PIEZO1: variants seen among roughly 807,000 people sequenced by gnomAD.
The protein encoded by PIEZO1 is piezo-type mechanosensitive ion channel component 1.
A neutral mutation model predicts 297.2 loss-of-function variants in PIEZO1; 296 were observed. That is an observed-to-expected ratio of 1.00 (90% CI 0.91 to 1.10). The LOEUF (loss-of-function observed/expected upper bound fraction) is 1.10. Ranked by LOEUF, PIEZO1 falls within the 50% of genes least tolerant of loss-of-function variation. The probability of loss-of-function intolerance (pLI) is 0.00; values close to 1 mark genes in which losing one functional copy is unlikely to be tolerated. For missense variants in PIEZO1, 5,018 were observed against 3,455.5 expected (o/e 1.45, Z -11.34); for synonymous variants, 2,427 against 1,507.5 (o/e 1.61, Z -14.13).
chr16:88,717,624 G>T (rs903038721), intron 44 of PIEZO1: 7 of 460,390 alleles, frequency 1.5e-5, no homozygotes, highest in Non-Finnish European at 3.0e-5. Flanking sequence ...ACCTGGATTT[G>T]GCGAAGGAAA....
rs1359947598 is a variant in PIEZO1, at chr16:88,736,228, G to A, written c.1477C>T (p.Pro493Ser). Residue 493 changes from proline to serine, a missense_variant, in exon 12 of 51, where the codon CCC becomes TCC. Transcript: ENST00000301015. ...AGGCTGACGGGGCCCAGGGTGGTGG[G>A]CAGCTCAGGGCGCAGGTCCATGGCC... ...VWAMDLRPELPTTLGPVSLRQ... is the reference protein window; with the variant it reads ...VWAMDLRPELSTTLGPVSLRQ... The A allele has an allele frequency of 6.5e-7, 1 of 1,549,948 alleles. No individual in the cohort carries two copies. Among genetic ancestry groups the A allele is most frequent in the Non-Finnish European group, 8.7e-7 (1 of 1,146,752 alleles).
intron 22 of PIEZO1, 106 bp from the exon 23 acceptor site, chr16:88,727,767 G>A (rs1197442419): frequency 9.5e-6 from 5 of 525,412 alleles, no homozygotes; most frequent in Non-Finnish European, 1.7e-5. Context: ...CAGGGTCCAT[G>A]GGAATCACCT....
At chr16:88,725,806 G>C (rs1473238485) in intron 27 of PIEZO1, 122 bp from the exon 28 acceptor site, 6 of 643,380 alleles carry the variant, frequency 9.3e-6, no homozygotes, top group South Asian at 9.3e-5. Context: ...CGCTGGACAA[G>C]AGGCACCCAC....
chr16:88,716,327 G>A (rs768834483), intron 48 of PIEZO1, 34 bp downstream of exon 48: 22 of 1,503,648 alleles, frequency 1.5e-5, no homozygotes, highest in African/African-American at 6.9e-5. Flanking sequence ...ACCTGGCACA[G>A]CCCTCCTGCC....
At chr16:88,725,184 G>C in intron 29 of PIEZO1, 104 bp from the exon 30 acceptor site, 1 of 828,692 alleles carries the variant, frequency 1.2e-6, no homozygotes, top group East Asian at 3.0e-5. Context: ...AGACAGACAC[G>C]GACACCCACA....
chr16:88,775,740 A>AAG (rs1555512956), intron 1 of PIEZO1, among the ~76,000 whole-genome samples: 61 of 151,666 alleles, frequency 4.0e-4, no homozygotes, highest in South Asian at 8.3e-4. Context: ...AAAAAAAAAA[A>AAG]AAAAGAAAAG....
intron 31 of PIEZO1, among the ~76,000 whole-genome samples, chr16:88,723,564 G>A (rs1016547675): frequency 1.3e-5 from 2 of 152,244 alleles, no homozygotes; most frequent in Admixed American, 6.5e-5. Context: ...CCCAAAGATG[G>A]ACCCAGGACA....
intron 1 of PIEZO1, among the ~76,000 whole-genome samples, chr16:88,773,724 T>G (rs1231979278): frequency 2.0e-5 from 3 of 151,072 alleles, no homozygotes; most frequent in Non-Finnish European, 4.4e-5. Flanking sequence ...AGCTGCCTAC[T>G]GGGTGACAGG....
chr16:88,746,551 G>C (rs1906068062), intron 2 of PIEZO1, among the ~76,000 whole-genome samples: 1 of 152,178 alleles, frequency 6.6e-6, no homozygotes, highest in Non-Finnish European at 1.5e-5. Context: ...GGGGACCAAG[G>C]CTCAGATGGC....
Position 88,750,774 on chromosome 16 carries a change from A to C in PIEZO1, c.65-1295T>G, listed in dbSNP as rs945014150. On this transcript the variant is annotated intron_variant, in intron 1 of 50. Transcript: ENST00000301015. ...GGGACCACTCAGCCTTTCCGGGGCT[A>C]CCAGGGAGGACACTGGGACTGGAAA... Among the ~76,000 whole-genome samples the C allele has an allele frequency of 2.0e-5, 3 of 152,312 alleles. No individual in the cohort carries two copies. The South Asian group carries it at 6.2e-4, about 32-fold the overall frequency.
chr16:88,765,813 A>G (rs143060961), intron 1 of PIEZO1, among the ~76,000 whole-genome samples: 8,208 of 151,934 alleles, frequency 0.054, 730 homozygotes, highest in African/African-American at 0.19. Flanking sequence ...AGCTGGGACT[A>G]CAGACACCTG....
intron 16 of PIEZO1, 24 bp downstream of exon 16, chr16:88,734,332 C>G: frequency 2.7e-6 from 4 of 1,490,882 alleles, no homozygotes; most frequent in Non-Finnish European, 3.6e-6. Context: ...TCTCCAGGGC[C>G]GGACAGGGAG....
At position 88,738,551 on chromosome 16, in the gene PIEZO1, C is replaced by T; in HGVS notation, c.634+17G>A. Reference sequence around the variant, plus strand: ...CCTCCCAGTGTGACTGCCAGTGCCCCCTGCCTCGGTGCGTACCTGCCAGTG... The same window carrying T: ...CCTCCCAGTGTGACTGCCAGTGCCCTCTGCCTCGGTGCGTACCTGCCAGTG... On this transcript the variant is annotated intron_variant, in intron 6 of 50. Transcript: ENST00000301015. 6.5e-7 allele frequency: 1 copy of T among 1,531,920 alleles called. No individual in the cohort carries two copies. Among genetic ancestry groups the T allele is most frequent in the East Asian group, 2.5e-5 (1 of 40,812 alleles). The allele number at this position is 1,531,920 out of a possible 1,614,324, so 94.9% of individuals were successfully genotyped here.
rs144994831 is a variant in PIEZO1, at chr16:88,721,993, G to A, written c.5029C>T (p.Arg1677Trp). 191 of 1,549,276 alleles carry A rather than the reference G, an allele frequency of 1.2e-4. No homozygotes were observed. Among genetic ancestry groups the A allele is most frequent in the East Asian group, 2.0e-4 (8 of 40,910 alleles). Residue 1677 changes from arginine (R) to tryptophan (W), a missense_variant, in exon 37 of 51, where the codon CGG becomes TGG. Transcript: ENST00000301015. Reference sequence around the variant, plus strand: ...GCGGCCACACACTGGTACACGGCCCGCAGCAGCCGCAGCGCCCGGCCCTGC... The same window carrying A: ...GCGGCCACACACTGGTACACGGCCCACAGCAGCCGCAGCGCCCGGCCCTGC... ...EGQGRALRLLRAVYQCVAAHS... is the reference protein window; with the variant it reads ...EGQGRALRLLWAVYQCVAAHS...
intron 1 of PIEZO1, among the ~76,000 whole-genome samples, chr16:88,782,737 A>G (rs887867709): frequency 1.3e-5 from 2 of 152,220 alleles, no homozygotes; most frequent in African/African-American, 4.8e-5. Context: ...AAAGACAGCA[A>G]AGCCAGTGTC....
At chr16:88,773,795 C>G (rs1221768591) in intron 1 of PIEZO1, among the ~76,000 whole-genome samples, 1 of 152,086 alleles carries the variant, frequency 6.6e-6, no homozygotes, top group Non-Finnish European at 1.5e-5. Context: ...CACCCTGCAC[C>G]CAGTGTCCTC....
At chr16:88,742,677 A>T (rs949951797) in intron 2 of PIEZO1, 12 of 486,534 alleles carry the variant, frequency 2.5e-5, no homozygotes, top group Non-Finnish European at 4.4e-5. Flanking sequence ...CACAGGCAGG[A>T]AAAGGCCTCC....
At chr16:88,717,945 T>G (rs944117039) in intron 44 of PIEZO1, 1 of 369,696 alleles carries the variant, frequency 2.7e-6, no homozygotes, top group African/African-American at 2.1e-5. Context: ...TAGCCAGGCC[T>G]GGTGGTGCAC....
chr16:88,722,554 G>A, intron 35 of PIEZO1, 29 bp downstream of exon 35: 1 of 1,474,842 alleles, frequency 6.8e-7, no homozygotes. Context: ...AGGGGCAGCA[G>A]CTGGGGCTCG....
Sources: gnomAD v4.1 joint callset for allele counts (sites outside exome capture counted in the v4.1 genomes callset) on GRCh38, gnomAD v4.1.1 for gene constraint, MANE v1.5 for transcripts, NCBI Gene and HGNC (gene_info 2026-07-23, HGNC 2026-07-21) for gene names.